Variants in SH3PXD2B observed in about 807,000 individuals in gnomAD.
The protein encoded by SH3PXD2B is SH3 and PX domain-containing protein 2B.
A neutral mutation model predicts 73.1 loss-of-function variants in SH3PXD2B; 37 were observed. The observed-to-expected ratio is 0.51, with a 90% confidence interval of 0.39 to 0.67. The LOEUF (loss-of-function observed/expected upper bound fraction) is 0.67. SH3PXD2B is among the 30% of genes least tolerant of loss of function. The pLI is 0.00. For synonymous variants in SH3PXD2B, 457 were observed against 480.5 expected (o/e 0.95, Z 0.64); for missense variants, 1,053 against 1,197.8 (o/e 0.88, Z 1.78).
In SH3PXD2B at chr5:172,338,231, TGG is replaced by T. The variant is rs1756749734; in HGVS notation, c.*136_*137del. On this transcript the variant is annotated 3_prime_UTR_variant, in exon 13 of 13. Transcript: ENST00000311601. This position sits in a 1 kb window ranked among gnomAD's most constrained non-coding sequence, Gnocchi z 5.1. ...GTGTCCGAAACTCACTCTCCACCCA[TGG>T]GAGGCAAGAAGTCACAGTACCCCAG... is the stretch of plus-strand genomic sequence containing the variant. The T allele has an allele frequency of 1.3e-6, 2 of 1,555,554 alleles. No homozygotes were observed. The highest frequency in any genetic ancestry group is 1.7e-6 in the Non-Finnish European group (2 of 1,152,064).
At chr5:172,414,123 G>C (rs779223512) in intron 2 of SH3PXD2B, among the ~76,000 whole-genome samples, 1 of 152,210 alleles carries the variant, frequency 6.6e-6, no homozygotes, top group Non-Finnish European at 1.5e-5. Flanking sequence ...AGTACACTTG[G>C]GGCTGTTAAA....
At chr5:172,452,439 T>C (rs1158688622) in intron 1 of SH3PXD2B, among the ~76,000 whole-genome samples, 3 of 152,174 alleles carry the variant, frequency 2.0e-5, no homozygotes, top group African/African-American at 7.2e-5. Flanking sequence ...AGAGAAACTA[T>C]AGGGGTACCG....
intron 1 of SH3PXD2B, among the ~76,000 whole-genome samples, chr5:172,422,796 C>T (rs561900300): frequency 2.0e-5 from 3 of 152,176 alleles, no homozygotes; most frequent in Admixed American, 6.5e-5. Context: ...CCTCACTACC[C>T]GCTCAGTTCA....
chr5:172,412,820 C>A (rs920053549), intron 2 of SH3PXD2B, among the ~76,000 whole-genome samples: 2 of 152,168 alleles, frequency 1.3e-5, no homozygotes, highest in African/African-American at 2.4e-5. Context: ...CGCGCTCCCC[C>A]CAGATAACAA....
At chr5:172,355,337 G>A (rs1477690905) in intron 8 of SH3PXD2B, among the ~76,000 whole-genome samples, 6 of 152,182 alleles carry the variant, frequency 3.9e-5, no homozygotes, top group Admixed American at 1.3e-4. Flanking sequence ...AGCACAGTCC[G>A]CCGTTCCCCT....
intron 1 of SH3PXD2B, among the ~76,000 whole-genome samples, chr5:172,434,072 T>A (rs981064952): frequency 6.6e-6 from 1 of 152,134 alleles, no homozygotes; most frequent in Non-Finnish European, 1.5e-5. Context: ...AGACTAACTA[T>A]AGTTAACAAC....
chr5:172,368,748 T>TAC (rs1757631068), intron 6 of SH3PXD2B, among the ~76,000 whole-genome samples: 1 of 100,610 alleles, frequency 9.9e-6, no homozygotes, highest in Non-Finnish European at 1.8e-5. Context: ...ATATGTAATA[T>TAC]ATATATATTT....
chr5:172,426,104 A>G (rs1759091195), intron 1 of SH3PXD2B, among the ~76,000 whole-genome samples: 1 of 152,242 alleles, frequency 6.6e-6, no homozygotes, highest in South Asian at 2.1e-4. Context: ...TGCTTACACA[A>G]TTCATCCTTG....
At chr5:172,389,552 G>A (rs1197187981) in intron 4 of SH3PXD2B, among the ~76,000 whole-genome samples, 1 of 116,164 alleles carries the variant, frequency 8.6e-6, no homozygotes, top group Non-Finnish European at 1.6e-5. Context: ...ACAACATGGT[G>A]AAACCTCATC....
chr5:172,418,733 T>TGGGA (rs1758882659), intron 2 of SH3PXD2B, among the ~76,000 whole-genome samples: 1 of 152,156 alleles, frequency 6.6e-6, no homozygotes, highest in Non-Finnish European at 1.5e-5. Context: ...ACTCCAGCCG[T>TGGGA]CCATCTGGGA....
intron 1 of SH3PXD2B, among the ~76,000 whole-genome samples, chr5:172,439,634 C>T (rs1331692233): frequency 1.3e-5 from 2 of 151,228 alleles, no homozygotes; most frequent in South Asian, 2.1e-4. Flanking sequence ...GAGGAAAAGT[C>T]GGGAATGTCA....
intron 4 of SH3PXD2B, among the ~76,000 whole-genome samples, chr5:172,393,628 C>G (rs1758235429): frequency 6.6e-6 from 1 of 152,150 alleles, no homozygotes; most frequent in Non-Finnish European, 1.5e-5. Context: ...TGTTCCTGAT[C>G]TGAGGGGGAG....
At chr5:172,375,219 G>A (rs1375065399) in intron 5 of SH3PXD2B, among the ~76,000 whole-genome samples, 1 of 152,114 alleles carries the variant, frequency 6.6e-6, no homozygotes, top group Non-Finnish European at 1.5e-5. Context: ...AATGAGCCAG[G>A]TGTGGTGGTG....
chr5:172,379,664 C>T (rs1166663831), intron 5 of SH3PXD2B, among the ~76,000 whole-genome samples: 5 of 152,184 alleles, frequency 3.3e-5, no homozygotes, highest in African/African-American at 1.2e-4. Context: ...CTACCATGAG[C>T]CGCCACTTCC....
Position 172,338,128 on chromosome 5 carries a change from G to T in SH3PXD2B, c.*241C>A. 5 of 1,424,638 alleles carry T rather than the reference G, an allele frequency of 3.5e-6. No individual in the cohort carries two copies. The highest frequency in any genetic ancestry group is 4.6e-6 in the Non-Finnish European group (5 of 1,094,718). 88.2% of individuals were successfully genotyped at this position (1,424,638 alleles called of 1,614,324 possible). A position where few individuals can be genotyped will look rare whatever the true frequency, so the allele number is the denominator to read the frequency against. On this transcript the variant is annotated 3_prime_UTR_variant, in exon 13 of 13. Coordinates refer to ENST00000311601, the MANE Select transcript of SH3PXD2B (RefSeq NM_001017995.3). This position sits in a 1 kb window ranked among gnomAD's most constrained non-coding sequence, Gnocchi z 5.1. ...TCTCTTAAGGCAGGGATGCTGACAT[G>T]GACAGAAAGCAAAGGCTGTGGGTTC...
rs943499968 is a variant in SH3PXD2B at position 172,338,231 on chromosome 5, T to C, written c.*138A>G. 12 of 1,555,672 alleles carry C rather than the reference T, an allele frequency of 7.7e-6. No homozygotes were observed. The highest frequency in any genetic ancestry group is 7.2e-5 in the South Asian group (6 of 83,914). ...GTGTCCGAAACTCACTCTCCACCCA[T>C]GGGAGGCAAGAAGTCACAGTACCCC... On this transcript the variant is annotated 3_prime_UTR_variant, in exon 13 of 13. Coordinates refer to ENST00000311601, the MANE Select transcript of SH3PXD2B (RefSeq NM_001017995.3). The surrounding 1 kb of genome is among the most constrained non-coding windows in gnomAD (Gnocchi z 5.1).
rs769306153 is a variant in SH3PXD2B at position 172,347,288 on chromosome 5, T to C, written c.1057A>G (p.Thr353Ala). Residue 353 changes from threonine (T) to alanine (A), a missense_variant, in exon 11 of 13, where the codon ACC becomes GCC. Around this residue, in one of 2 missense-constraint regions of SH3PXD2B, gnomAD observed 466 missense variants for 607.1 expected, o/e 0.77. Coordinates refer to ENST00000311601, the MANE Select transcript of SH3PXD2B (RefSeq NM_001017995.3). ...AGTAGCGAGGATCCACTTACAATGG[T>C]CATGTCCCGGCGAGGAGGGGGTCTC... The part of the protein sequence containing the change: ...RQRPPPRRDM[T>A]IPRGLNLPKP... 2 of 1,614,112 alleles carry C rather than the reference T, an allele frequency of 1.2e-6. No individual in the cohort carries two copies. The highest frequency in any genetic ancestry group is 8.5e-7 in the Non-Finnish European group (1 of 1,179,984).
chr5:172,422,899 A>C (rs777158446), intron 1 of SH3PXD2B, among the ~76,000 whole-genome samples: 4 of 152,154 alleles, frequency 2.6e-5, no homozygotes, highest in Admixed American at 6.5e-5. Flanking sequence ...TGGCCATCTT[A>C]TATCTTCCAC....
intron 1 of SH3PXD2B, among the ~76,000 whole-genome samples, chr5:172,440,881 T>C (rs1339982743): frequency 6.6e-6 from 1 of 151,966 alleles, no homozygotes; most frequent in African/African-American, 2.4e-5. Flanking sequence ...AGTTTTCCCA[T>C]CTGTAAAAGG....
Sources: gnomAD v4.1 joint callset for allele counts (sites outside exome capture counted in the v4.1 genomes callset) on GRCh38, gnomAD v4.1.1 for gene constraint, gnomAD v4.1.1 regional missense constraint, Gnocchi (gnomAD v3.1) non-coding constraint, MANE v1.5 for transcripts, NCBI Gene and HGNC (gene_info 2026-07-23, HGNC 2026-07-21) for gene names.